The following RNF19A variants were observed in gnomAD, a reference collection of about 807,000 sequenced individuals.
RNF19A encodes ring finger protein 19A, RBR E3 ubiquitin protein ligase.
A neutral mutation model predicts 75.7 loss-of-function variants in RNF19A; 32 were observed. The ratio of observed to expected loss-of-function variants is 0.42; its 90% CI spans 0.32 to 0.57. RNF19A has a LOEUF of 0.57. RNF19A is among the 20% of genes least tolerant of loss of function. The probability of loss-of-function intolerance (pLI) is 0.10; values close to 1 mark genes in which losing one functional copy is unlikely to be tolerated. For missense variants in RNF19A, 782 were observed against 1,036.3 expected (o/e 0.75, Z 3.37); for synonymous variants, 335 against 345.2 (o/e 0.97, Z 0.33).
At chr8:100,282,228 T>C (rs1820812248) in intron 2 of RNF19A, among the ~76,000 whole-genome samples, 1 of 152,228 alleles carries the variant, frequency 6.6e-6, no homozygotes, top group African/African-American at 2.4e-5. Context: ...AAGAATGTTA[T>C]TTTTATTGAC....
At chr8:100,279,577 G>A (rs1000490199) in intron 2 of RNF19A, among the ~76,000 whole-genome samples, 2 of 152,008 alleles carry the variant, frequency 1.3e-5, no homozygotes, top group African/African-American at 4.8e-5. Flanking sequence ...TTTTGAGATG[G>A]AGTCTCACTC....
chr8:100,269,832 T>C lies in RNF19A; in HGVS notation c.1028+37A>G. 6.8e-7 allele frequency: 1 copy of C among 1,474,190 alleles called. No homozygotes were observed. 91.3% of individuals were successfully genotyped at this position (1,474,190 alleles called of 1,614,324 possible). A position where few individuals can be genotyped will look rare whatever the true frequency, so the allele number is the denominator to read the frequency against. On this transcript the variant is annotated intron_variant, in intron 4 of 9. Transcript: ENST00000341084. This position sits in a 1 kb window ranked among gnomAD's most constrained non-coding sequence, Gnocchi z 5.7. ...GTTATTTTGTCTTACAATATAAAATTACATTTACATATAAATAGCTCCTTC... is the reference window on the plus strand; with the variant it reads ...GTTATTTTGTCTTACAATATAAAATCACATTTACATATAAATAGCTCCTTC...
Position 100,260,190 on chromosome 8 carries a change from G to C in RNF19A, c.1683-193C>G. 1 of 517,094 alleles carries C rather than the reference G, an allele frequency of 1.9e-6. No homozygotes were observed. The highest frequency in any genetic ancestry group is 3.3e-6 in the Non-Finnish European group (1 of 300,880). 32.0% of individuals were successfully genotyped at this position (517,094 alleles called of 1,614,324 possible). On this transcript the variant is annotated intron_variant, in intron 8 of 9. Transcript: ENST00000341084. The surrounding 1 kb of genome is among the most constrained non-coding windows in gnomAD (Gnocchi z 4.1). The stretch of plus-strand genomic sequence containing the variant: ...AGTACCAGCCATCCAAATAAAATGG[G>C]GAACATCAGCTGTCTGCCAAGTAAA...
At chr8:100,271,093 C>G (rs986095581) in intron 3 of RNF19A, among the ~76,000 whole-genome samples, 1 of 151,178 alleles carries the variant, frequency 6.6e-6, no homozygotes, top group African/African-American at 2.4e-5. Context: ...TATGGTCAAA[C>G]TTTACCTGTG....
At position 100,261,308 on chromosome 8, in the gene RNF19A, G is replaced by A. The variant is rs1407085692; in HGVS notation, c.1682+234C>T. Among the ~76,000 whole-genome samples, 1 of 152,054 alleles carries A rather than the reference G, an allele frequency of 6.6e-6. No individual in the cohort carries two copies. Among genetic ancestry groups the A allele is most frequent in the Admixed American group, 6.6e-5 (1 of 15,258 alleles). ...AGATGGGGTTTCGCCATGTTGCCCAGGCTGGTCTCGAACTCCTGAGCTCAG... is the reference window on the plus strand; with the variant it reads ...AGATGGGGTTTCGCCATGTTGCCCAAGCTGGTCTCGAACTCCTGAGCTCAG... On this transcript the variant is annotated intron_variant, in intron 8 of 9. Transcript: ENST00000341084. The surrounding 1 kb of genome is among the most constrained non-coding windows in gnomAD (Gnocchi z 4.4).
At chr8:100,294,738 A>C (rs1788206) in intron 1 of RNF19A, among the ~76,000 whole-genome samples, 1 of 151,888 alleles carries the variant, frequency 6.6e-6, no homozygotes. Context: ...CTAGGCTTTG[A>C]GATACAGTAT....
chr8:100,280,036 C>T (rs936636631), intron 2 of RNF19A, among the ~76,000 whole-genome samples: 1 of 152,124 alleles, frequency 6.6e-6, no homozygotes, highest in East Asian at 1.9e-4. Context: ...TATCTCTATA[C>T]TCCCTATGAT....
At chr8:100,276,725 A>G in intron 2 of RNF19A, among the ~76,000 whole-genome samples, 1 of 117,070 alleles carries the variant, frequency 8.5e-6, no homozygotes, top group East Asian at 2.1e-4. Context: ...CACTGTACCA[A>G]AAAAAAAAAA....
intron 1 of RNF19A, among the ~76,000 whole-genome samples, chr8:100,315,055 A>G (rs1445021207): frequency 6.6e-6 from 1 of 152,166 alleles, no homozygotes; most frequent in Non-Finnish European, 1.5e-5. Context: ...CATGCCTGTA[A>G]TCCCAGCACT....
At chr8:100,270,997 T>C (rs1384502416) in intron 3 of RNF19A, among the ~76,000 whole-genome samples, 1 of 152,246 alleles carries the variant, frequency 6.6e-6, no homozygotes, top group African/African-American at 2.4e-5. Context: ...AAAAGATATT[T>C]ATAGTGCTAA....
chr8:100,316,514 C>A (rs1822377955), intron 1 of RNF19A, among the ~76,000 whole-genome samples: 1 of 152,118 alleles, frequency 6.6e-6, no homozygotes, highest in Non-Finnish European at 1.5e-5. Context: ...ATGTCCCCAT[C>A]AGATTAGTTA....
chr8:100,309,949 A>AGC lies in RNF19A; in HGVS notation c.-178_-177dup. 1 of 985,894 alleles carries AGC rather than the reference A, an allele frequency of 1.0e-6. No homozygotes were observed. The allele number at this position is 985,894 out of a possible 1,614,324, so 61.1% of individuals were successfully genotyped here. A position where few individuals can be genotyped will look rare whatever the true frequency, so the allele number is the denominator to read the frequency against. ...AGCAGCGGCGACAGCAGCCTGAGGA[A>AGC]GCGCGGGGGAGGGTCCCTCCGATGC... On this transcript the variant is annotated 5_prime_UTR_variant, in exon 1 of 10. Coordinates refer to ENST00000341084, the MANE Select transcript of RNF19A (RefSeq NM_183419.4).
Position 100,333,647 on chromosome 8 carries a change from T to A in RNF19A, c.-243+2461A>T. 6.6e-6 allele frequency among the ~76,000 whole-genome samples: 1 copy of A among 152,188 alleles called. No homozygotes were observed. Among genetic ancestry groups the A allele is most frequent in the East Asian group, 1.9e-4 (1 of 5,194 alleles). ...GCCTGGGCAACATAGCAAGAGCCCA[T>A]CTCTAAAAATTTTTTTAAAACAATA... On this transcript the variant is annotated intron_variant, in intron 1 of 3. Transcript: ENST00000519527. The surrounding 1 kb of genome is among the most constrained non-coding windows in gnomAD (Gnocchi z 4.7).
chr8:100,258,398 C>A lies in RNF19A; in HGVS notation c.*158G>T. The A allele has an allele frequency of 1.7e-6, 1 of 593,774 alleles. No homozygotes were observed. The highest frequency in any genetic ancestry group is 2.9e-6 in the Non-Finnish European group (1 of 342,440). The allele number at this position is 593,774 out of a possible 1,614,324, so 36.8% of individuals were successfully genotyped here. ...TTCATAGTTTGGTAACTAAGATCCA[C>A]ATGACACACAATGCCTTGCTGAACA... On this transcript the variant is annotated 3_prime_UTR_variant, in exon 10 of 10. Coordinates refer to ENST00000341084, the MANE Select transcript of RNF19A (RefSeq NM_183419.4). The surrounding 1 kb of genome is among the most constrained non-coding windows in gnomAD (Gnocchi z 4.3).
intron 1 of RNF19A, chr8:100,303,418 G>T (rs1286838600): frequency 2.0e-5 from 3 of 152,186 alleles, no homozygotes; most frequent in African/African-American, 7.2e-5. Flanking sequence ...AATCCAGGAT[G>T]ATCTTATCTC....
intron 1 of RNF19A, among the ~76,000 whole-genome samples, chr8:100,320,260 T>C (rs1822446417): frequency 6.6e-6 from 1 of 152,266 alleles, no homozygotes; most frequent in Non-Finnish European, 1.5e-5. Flanking sequence ...TTATACTGAA[T>C]GTATCATTTT....
In RNF19A at chr8:100,317,090, G is replaced by C. The variant is rs1371868757; in HGVS notation, c.-242-3718C>G. ...TGAGTGCGGGGCCTGCCAAGCCCAC[G>C]CCCACGCCCACCCGGAACTCCAGCT... On this transcript the variant is annotated intron_variant, in intron 1 of 3. Coordinates refer to the RNF19A transcript ENST00000519527. The surrounding 1 kb of genome is among the most constrained non-coding windows in gnomAD (Gnocchi z 4.3). Among the ~76,000 whole-genome samples the C allele has an allele frequency of 7.4e-6, 1 of 135,284 alleles. No individual in the cohort carries two copies. Among genetic ancestry groups the C allele is most frequent in the Non-Finnish European group, 1.7e-5 (1 of 59,390 alleles). The allele number at this position is 135,284 out of a possible 152,430, so 88.8% of individuals were successfully genotyped here.
At position 100,324,468 on chromosome 8, in the gene RNF19A, C is replaced by T. The variant is rs148147966; in HGVS notation, c.-242-11096G>A. The stretch of plus-strand genomic sequence containing the variant: ...AATTCTTGTTTTTCTTTAAAACAAA[C>T]AATGGATTCCCTTGAAATACTACAT... On this transcript the variant is annotated intron_variant, in intron 1 of 3. Coordinates refer to the RNF19A transcript ENST00000519527. This position sits in a 1 kb window ranked among gnomAD's most constrained non-coding sequence, Gnocchi z 4.2. Among the ~76,000 whole-genome samples the T allele has an allele frequency of 3.6e-4, 55 of 152,244 alleles. No individual in the cohort carries two copies. Among genetic ancestry groups the T allele is most frequent in the Middle Eastern group, 3.4e-3 (1 of 294 alleles).
intron 2 of RNF19A, among the ~76,000 whole-genome samples, chr8:100,276,273 G>A (rs1820505945): frequency 6.6e-6 from 1 of 152,192 alleles, no homozygotes; most frequent in Non-Finnish European, 1.5e-5. Context: ...AAGTATTGAT[G>A]CAAGTAACAC....
Sources: gnomAD v4.1 joint callset for allele counts (sites outside exome capture counted in the v4.1 genomes callset) on GRCh38, gnomAD v4.1.1 for gene constraint, Gnocchi (gnomAD v3.1) non-coding constraint, MANE v1.5 for transcripts, NCBI Gene and HGNC (gene_info 2026-07-23, HGNC 2026-07-21) for gene names.